Variants in MCOLN2 observed in about 807,000 individuals in gnomAD.
MCOLN2 encodes mucolipin-2.
Under a neutral mutation model 67.5 loss-of-function variants are expected in MCOLN2, and 57 were observed. That is an observed-to-expected ratio of 0.84 (90% CI 0.68 to 1.05). MCOLN2 has a LOEUF of 1.05. Ranked by LOEUF, MCOLN2 falls within the 50% of genes least tolerant of loss-of-function variation. The probability of loss-of-function intolerance (pLI) is 0.00; values close to 1 mark genes in which losing one functional copy is unlikely to be tolerated. For missense variants in MCOLN2, 620 were observed against 678.8 expected, an observed-to-expected ratio of 0.91 and a Z score of 0.96; for synonymous variants, 246 against 233.3, an observed-to-expected ratio of 1.05 and a Z score of -0.50.
chr1:84,945,134 G>T (rs761458185), intron 7 of MCOLN2, among the ~76,000 whole-genome samples: 98 of 152,272 alleles, frequency 6.4e-4, no homozygotes, highest in Middle Eastern at 3.4e-3. Flanking sequence ...ACAGGAGGGG[G>T]CTAGAGATAC....
chr1:84,952,477 T>C lies in MCOLN2; in HGVS notation c.619A>G (p.Asn207Asp). 1 of 1,613,438 alleles carries C rather than the reference T, an allele frequency of 6.2e-7. No individual in the cohort carries two copies. The highest frequency in any genetic ancestry group is 1.1e-5 in the South Asian group (1 of 91,070). ...AATTCCAGTCTGAAGAATGATGAGTTCTTCCAGTCCGGAGGCTTCTTGGAG... is the reference window on the plus strand; with the variant it reads ...AATTCCAGTCTGAAGAATGATGAGTCCTTCCAGTCCGGAGGCTTCTTGGAG... ...DLSKKPPDWK[N>D]SSFFRLEFYR... Residue 207 changes from asparagine to aspartate, a missense_variant, in exon 5 of 14, where the codon AAC becomes GAC. Asn to Asp is a conservative substitution (Grantham distance 23). Transcript: ENST00000370608.
At chr1:84,988,423 T>C (rs1650723913) in intron 1 of MCOLN2, among the ~76,000 whole-genome samples, 1 of 152,168 alleles carries the variant, frequency 6.6e-6, no homozygotes, top group African/African-American at 2.4e-5. Flanking sequence ...ATTAGTAGGA[T>C]GACTGAACTG....
intron 7 of MCOLN2, among the ~76,000 whole-genome samples, chr1:84,943,276 T>C (rs1176189308): frequency 3.9e-5 from 6 of 152,114 alleles, no homozygotes; most frequent in Non-Finnish European, 5.9e-5. Flanking sequence ...CAACCAAGAA[T>C]GATTCCTGGT....
intron 7 of MCOLN2, among the ~76,000 whole-genome samples, chr1:84,945,748 T>C (rs146985722): frequency 0.018 from 2,788 of 152,232 alleles, 86 homozygotes; most frequent in African/African-American, 0.063. Context: ...ATTTTTTTAT[T>C]TATTTTACTT....
intron 1 of MCOLN2, among the ~76,000 whole-genome samples, chr1:84,984,147 T>G (rs1401591562): frequency 6.6e-6 from 1 of 152,214 alleles, no homozygotes; most frequent in African/African-American, 2.4e-5. Context: ...TTGGATAAAT[T>G]AACATTAGAT....
At chr1:84,942,303 G>C (rs12402639) in intron 7 of MCOLN2, among the ~76,000 whole-genome samples, 25,438 of 152,120 alleles carry the variant, frequency 0.17, 2,691 homozygotes, top group South Asian at 0.28. Flanking sequence ...ACAGCATGGA[G>C]CACAGAGACA....
chr1:84,988,763 G>A (rs1017146187), intron 1 of MCOLN2, among the ~76,000 whole-genome samples: 3 of 152,102 alleles, frequency 2.0e-5, no homozygotes, highest in Admixed American at 2.0e-4. Context: ...CCTTCTCTCA[G>A]AGTAAAATCC....
At chr1:84,974,799 A>G (rs1409978002) in intron 1 of MCOLN2, among the ~76,000 whole-genome samples, 2 of 152,052 alleles carry the variant, frequency 1.3e-5, no homozygotes, top group African/African-American at 2.4e-5. Context: ...GCCAGAAGGG[A>G]GCCCACTGCC....
chr1:84,968,951 C>T (rs1649517914), intron 1 of MCOLN2, among the ~76,000 whole-genome samples: 1 of 152,194 alleles, frequency 6.6e-6, no homozygotes, highest in African/African-American at 2.4e-5. Flanking sequence ...AGTGTTTGTT[C>T]ATACCCTTTT....
At chr1:84,989,170 G>A (rs551927262) in intron 1 of MCOLN2, among the ~76,000 whole-genome samples, 1 of 152,190 alleles carries the variant, frequency 6.6e-6, no homozygotes, top group African/African-American at 2.4e-5. Flanking sequence ...CACATAATAG[G>A]TGTTCAATGA....
At position 84,952,340 on chromosome 1, in the gene MCOLN2, C is replaced by T; in HGVS notation, c.651-1G>A. 6.2e-7 allele frequency: 1 copy of T among 1,610,116 alleles called. No homozygotes were observed. The highest frequency in any genetic ancestry group is 8.5e-7 in the Non-Finnish European group (1 of 1,176,760). On this transcript the variant is annotated splice_acceptor_variant, in intron 5 of 13. Transcript: ENST00000370608. LOFTEE classifies it high-confidence loss of function. ...AAAGGAGATTTCAACCTGTAAGAGC[C>T]TGAATAAAATATATTGAAAGGTATA...
intron 2 of MCOLN2, among the ~76,000 whole-genome samples, chr1:84,962,556 A>T (rs1649146379): frequency 6.6e-6 from 1 of 152,212 alleles, no homozygotes; most frequent in Non-Finnish European, 1.5e-5. Context: ...AAAATAATAA[A>T]AAATAAAATT....
At chr1:84,953,663 AAAAAT>A (rs1188078891) in intron 4 of MCOLN2, among the ~76,000 whole-genome samples, 2 of 152,182 alleles carry the variant, frequency 1.3e-5, no homozygotes, top group African/African-American at 4.8e-5. Flanking sequence ...TTCAAAGTAA[AAAAAT>A]AGAAAGAAAA....
chr1:84,968,092 CAA>C (rs1649473605), intron 1 of MCOLN2, among the ~76,000 whole-genome samples: 1 of 152,122 alleles, frequency 6.6e-6, no homozygotes, highest in African/African-American at 2.4e-5. Context: ...GAAACGGGAA[CAA>C]GAGAGCCAAG....
chr1:84,931,482 C>A lies in MCOLN2; in HGVS notation c.1422G>T (p.Gln474His). 6.2e-7 allele frequency: 1 copy of A among 1,614,010 alleles called. No individual in the cohort carries two copies. Among genetic ancestry groups the A allele is most frequent in the Non-Finnish European group, 8.5e-7 (1 of 1,179,922 alleles). The change falls in exon 12 of 14, where the codon CAG becomes CAT. Residue 474 changes from glutamine to histidine, a missense_variant. Coordinates refer to ENST00000370608, the MANE Select transcript of MCOLN2 (RefSeq NM_153259.4). ...TGAACAGCCACACCAAGATGCTCTT[C>A]TGCTGGATTTGGGCAAAGGTTGCAA... The part of the protein sequence containing the change: ...DMFATFAQIQ[Q>H]KSILVWLFSR...
chr1:84,952,178 T>C lies in MCOLN2; in HGVS notation c.747+65A>G. 3 of 1,071,820 alleles carry C rather than the reference T, an allele frequency of 2.8e-6. No individual in the cohort carries two copies. In the East Asian group the frequency reaches 7.3e-5, roughly 26 times the overall value. The allele number at this position is 1,071,820 out of a possible 1,614,324, so 66.4% of individuals were successfully genotyped here. On this transcript the variant is annotated intron_variant, in intron 6 of 13. Transcript: ENST00000370608. The stretch of plus-strand genomic sequence containing the variant: ...ATCTGTAGGCTGCTGTGTTTTATAC[T>C]CTGCATCAACAAAAAGTGTAGGAAA...
chr1:84,982,596 T>C (rs1180461757), intron 1 of MCOLN2, among the ~76,000 whole-genome samples: 1 of 152,342 alleles, frequency 6.6e-6, no homozygotes, highest in East Asian at 1.9e-4. Flanking sequence ...TTATAAAAAA[T>C]ATTTGGAACT....
At chr1:84,965,374 A>C (rs1358602266) in intron 2 of MCOLN2, among the ~76,000 whole-genome samples, 175 bp downstream of exon 2, 26 of 152,184 alleles carry the variant, frequency 1.7e-4, no homozygotes, top group Non-Finnish European at 1.5e-5. Context: ...TTACTATGAC[A>C]AGGTTGTCTT....
intron 1 of MCOLN2, among the ~76,000 whole-genome samples, chr1:84,995,654 C>A (rs1651106430): frequency 6.6e-6 from 1 of 152,200 alleles, no homozygotes; most frequent in South Asian, 2.1e-4. Flanking sequence ...GGTTTCACTT[C>A]ACTGACAGAG....
Sources: gnomAD v4.1 joint callset for allele counts (sites outside exome capture counted in the v4.1 genomes callset) on GRCh38, gnomAD v4.1.1 for gene constraint, MANE v1.5 for transcripts, NCBI Gene and HGNC (gene_info 2026-07-23, HGNC 2026-07-21) for gene names.